The following GARS1 variants were observed in gnomAD, a reference collection of about 807,000 sequenced individuals.
The protein encoded by GARS1 is glycyl-tRNA synthetase 1, also known as glycine--tRNA ligase.
Under a neutral mutation model 86.4 loss-of-function variants are expected in GARS1, and 46 were observed. The observed-to-expected ratio is 0.53, with a 90% CI of 0.42 to 0.68. The LOEUF (loss-of-function observed/expected upper bound fraction) is 0.68. GARS1 is among the 30% of genes least tolerant of loss of function. The pLI is 0.00. For synonymous variants in GARS1, 342 were observed against 329.8 expected (o/e 1.04, Z -0.40); for missense variants, 797 against 915.6 (o/e 0.87, Z 1.67).
chr7:30,598,959 C>T, intron 2 of GARS1, 62 bp downstream of exon 2: 1 of 1,318,976 alleles, frequency 7.6e-7, no homozygotes, highest in Non-Finnish European at 1.1e-6. Flanking sequence ...TCTTTAATTT[C>T]TTTGGATGGG....
chr7:30,595,021 C>G lies in GARS1; in HGVS notation c.100C>G (p.Arg34Gly). ...LLARPSLLLRRSLSAASCPPI... is the reference protein window; with the variant it reads ...LLARPSLLLRGSLSAASCPPI... ...AGCCCGACCCTCGCTCCTGCTCCGCCGGTCCCTCAGCGCGGCCTCCTGCCC... is the reference window on the plus strand; with the variant it reads ...AGCCCGACCCTCGCTCCTGCTCCGCGGGTCCCTCAGCGCGGCCTCCTGCCC... Residue 34 changes from arginine to glycine, a missense_variant, in exon 1 of 17, where the codon CGG becomes GGG. Around this residue, in one of 2 missense-constraint regions of GARS1, gnomAD observed 199 missense variants for 176.9 expected, o/e 1.12. Coordinates refer to ENST00000389266, the MANE Select transcript of GARS1 (RefSeq NM_002047.4). 2.5e-6 allele frequency: 4 copies of G among 1,579,414 alleles called. No homozygotes were observed. The highest frequency in any genetic ancestry group is 3.4e-6 in the Non-Finnish European group (4 of 1,170,354).
At position 30,595,231 on chromosome 7, in the gene GARS1, GTCC is replaced by G. The variant is rs921884865; in HGVS notation, c.222+94_222+96del. On this transcript the variant is annotated intron_variant, in intron 1 of 16. Coordinates refer to ENST00000389266, the MANE Select transcript of GARS1 (RefSeq NM_002047.4). ...ATCCTTCCCTCCTCCCCGGGGAACT[GTCC>G]TCCTCTTCGGTTACCCCTTTCTTTC... 149 of 1,218,484 alleles carry G rather than the reference GTCC, an allele frequency of 1.2e-4. No homozygotes were observed. The East Asian group carries it at 3.4e-3, about 27-fold the overall frequency. The allele number at this position is 1,218,484 out of a possible 1,614,324, so 75.5% of individuals were successfully genotyped here.
intron 7 of GARS1, among the ~76,000 whole-genome samples, 178 bp from the exon 8 acceptor site, chr7:30,611,918 G>A (rs1408861637): frequency 1.3e-5 from 2 of 152,094 alleles, no homozygotes; most frequent in South Asian, 2.1e-4. Context: ...TTTCTAATAC[G>A]TGCTATGAAA....
Position 30,629,780 on chromosome 7 carries a change from G to A in GARS1, c.1809+1111G>A, listed in dbSNP as rs1783200560. 1.3e-5 allele frequency among the ~76,000 whole-genome samples: 2 copies of A among 152,210 alleles called. 1 individual carries two copies. The highest frequency in any genetic ancestry group is 4.1e-4 in the South Asian group (2 of 4,834). On this transcript the variant is annotated intron_variant, in intron 14 of 16. Transcript: ENST00000389266. ...CATTCAACAGATTGTAAGAACCTGG[G>A]CTAGGCCCCAGGTGCGCAAACATAA...
chr7:30,600,373 G>A (rs1791348056), intron 3 of GARS1, among the ~76,000 whole-genome samples: 1 of 152,206 alleles, frequency 6.6e-6, no homozygotes, highest in African/African-American at 2.4e-5. Flanking sequence ...GGCCATTGTA[G>A]TACTGGCTAA....
chr7:30,603,178 T>C, intron 5 of GARS1, 56 bp downstream of exon 5: 1 of 1,398,986 alleles, frequency 7.1e-7, no homozygotes, highest in Non-Finnish European at 1.0e-6. Flanking sequence ...GTTTAAACTT[T>C]CTCTCAGATG....
At chr7:30,626,524 A>AT (rs1174157385) in intron 13 of GARS1, among the ~76,000 whole-genome samples, 1 of 152,098 alleles carries the variant, frequency 6.6e-6, no homozygotes, top group South Asian at 2.1e-4. Flanking sequence ...TAATTTTTGT[A>AT]TTTTTTGTAG....
At position 30,595,223 on chromosome 7, in the gene GARS1, G is replaced by A. The variant is rs1791221310; in HGVS notation, c.222+80G>A. The A allele has an allele frequency of 4.0e-6, 5 of 1,260,984 alleles. No individual in the cohort carries two copies. The East Asian group carries it at 1.3e-4, about 32-fold the overall frequency. The allele number at this position is 1,260,984 out of a possible 1,614,324, so 78.1% of individuals were successfully genotyped here. On this transcript the variant is annotated intron_variant, in intron 1 of 16. Coordinates refer to ENST00000389266, the MANE Select transcript of GARS1 (RefSeq NM_002047.4). ...TTCTGGTCATCCTTCCCTCCTCCCC[G>A]GGGAACTGTCCTCCTCTTCGGTTAC...
At chr7:30,633,339 A>C (rs1448454336) in intron 16 of GARS1, among the ~76,000 whole-genome samples, 3 of 152,194 alleles carry the variant, frequency 2.0e-5, no homozygotes, top group Non-Finnish European at 4.4e-5. Context: ...GATGATTCTG[A>C]CGTGCACTCA....
chr7:30,622,201 C>T (rs1318324988), intron 11 of GARS1, 116 bp from the exon 12 acceptor site: 1 of 1,208,582 alleles, frequency 8.3e-7, no homozygotes, highest in East Asian at 2.4e-5. Context: ...TAAACAGGAT[C>T]TGGAGTACTG....
At chr7:30,617,331 C>G (rs182984701) in intron 10 of GARS1, 53 bp downstream of exon 10, 27 of 1,581,824 alleles carry the variant, frequency 1.7e-5, no homozygotes, top group African/African-American at 1.3e-5. Context: ...CTTAGAAGCA[C>G]AGGTACCAAA....
chr7:30,608,629 ATTGGAT>A (rs1791531445), intron 6 of GARS1, among the ~76,000 whole-genome samples: 1 of 152,206 alleles, frequency 6.6e-6, no homozygotes, highest in Non-Finnish European at 1.5e-5. Flanking sequence ...TGGAAATACC[ATTGGAT>A]TTATGAGGGT....
At chr7:30,617,304 G>A in intron 10 of GARS1, 26 bp downstream of exon 10, 1 of 1,611,560 alleles carries the variant, frequency 6.2e-7, no homozygotes, top group African/African-American at 1.3e-5. Context: ...TTTACCATGT[G>A]ATTTTCACAT....
At position 30,632,814 on chromosome 7, in the gene GARS1, T is replaced by C. The variant is rs938828566; in HGVS notation, c.2094+377T>C. On this transcript the variant is annotated intron_variant, in intron 16 of 16. Transcript: ENST00000389266. The surrounding 1 kb of genome is among the most constrained non-coding windows in gnomAD (Gnocchi z 4.1). ...TTTTACAGACGCGTATACATGTGTA[T>C]GTATAAGCTTTTCCGTGTTCATATA... 1.3e-5 allele frequency among the ~76,000 whole-genome samples: 2 copies of C among 152,262 alleles called. No individual in the cohort carries two copies. Among genetic ancestry groups the C allele is most frequent in the African/African-American group, 4.8e-5 (2 of 41,480 alleles).
At chr7:30,602,648 G>A (rs1791404838) in intron 4 of GARS1, among the ~76,000 whole-genome samples, 1 of 152,196 alleles carries the variant, frequency 6.6e-6, no homozygotes, top group Non-Finnish European at 1.5e-5. Context: ...TGTCTATACT[G>A]AGCTGCCATG....
At chr7:30,616,100 A>G in intron 9 of GARS1, 42 bp downstream of exon 9, 2 of 1,608,364 alleles carry the variant, frequency 1.2e-6, no homozygotes, top group Non-Finnish European at 1.7e-6. Context: ...GTGCCTGTTC[A>G]GGGTTTGCAG....
rs145386330 is a variant in GARS1 at position 30,601,684 on chromosome 7, T to G, written c.569+484T>G. 2.6e-3 allele frequency among the ~76,000 whole-genome samples: 397 copies of G among 152,354 alleles called. 2 individuals are homozygous for G. The highest frequency in any genetic ancestry group is 9.1e-3 in the African/African-American group (380 of 41,578). The stretch of plus-strand genomic sequence containing the variant: ...ATACAAGTTCTGAGCAAAGGTATAC[T>G]TGTAGAGATTTTCAGTTAAATACTA... On this transcript the variant is annotated intron_variant, in intron 4 of 16. Coordinates refer to ENST00000389266, the MANE Select transcript of GARS1 (RefSeq NM_002047.4).
At chr7:30,616,617 A>G (rs1040227491) in intron 9 of GARS1, among the ~76,000 whole-genome samples, 1 of 152,200 alleles carries the variant, frequency 6.6e-6, no homozygotes, top group Non-Finnish European at 1.5e-5. Context: ...CTTTGCAGAG[A>G]AGACCTCTGC....
At chr7:30,631,184 TAG>T (rs1431413233) in intron 14 of GARS1, 7 of 384,698 alleles carry the variant, frequency 1.8e-5, no homozygotes, top group African/African-American at 1.5e-4. Context: ...GAGCAGGTGG[TAG>T]AGACCTGCTT....
Sources: gnomAD v4.1 joint callset for allele counts (sites outside exome capture counted in the v4.1 genomes callset) on GRCh38, gnomAD v4.1.1 for gene constraint, gnomAD v4.1.1 regional missense constraint, Gnocchi (gnomAD v3.1) non-coding constraint, MANE v1.5 for transcripts, NCBI Gene and HGNC (gene_info 2026-07-23, HGNC 2026-07-21) for gene names.